ZNF438: variants seen among roughly 807,000 people sequenced by gnomAD.
ZNF438 encodes zinc finger protein 438.
A neutral mutation model predicts 38.0 loss-of-function variants in ZNF438; 25 were observed. That is an observed-to-expected ratio of 0.66 (90% CI 0.48 to 0.92). The LOEUF (loss-of-function observed/expected upper bound fraction) is 0.92, where lower values mean the gene tolerates loss of function less well. ZNF438 is among the 40% of genes least tolerant of loss of function. The pLI, the probability that ZNF438 is intolerant of heterozygous loss-of-function variation, is 0.00. For missense variants in ZNF438, 1,007 were observed against 999.6 expected, an observed-to-expected ratio of 1.01 and a Z score of -0.10; for synonymous variants, 372 against 364.1, an observed-to-expected ratio of 1.02 and a Z score of -0.25.
rs763312576 is a variant in ZNF438 at position 30,849,960 on chromosome 10, C to A, written c.445G>T (p.Ala149Ser). 12 of 1,614,000 alleles carry A rather than the reference C, an allele frequency of 7.4e-6. No individual in the cohort carries two copies. The highest frequency in any genetic ancestry group is 6.7e-5 in the Admixed American group (4 of 59,992). Residue 149 changes from alanine (A) to serine (S), a missense_variant, in exon 5 of 6, where the codon GCT becomes TCT. Transcript: ENST00000413025. ...GGACACATTTGGGTTTGGGCAGGAG[C>A]TTTGCTACAGCCACTCTTAGGAAAG...
intron 1 of ZNF438, among the ~76,000 whole-genome samples, chr10:31,005,292 T>C (rs1349550629): frequency 2.0e-5 from 3 of 152,174 alleles, no homozygotes; most frequent in East Asian, 3.8e-4. Flanking sequence ...TATATATATA[T>C]GTACATGCAC....
rs527901673 is a variant in ZNF438 at position 30,891,793 on chromosome 10, T to C, written c.-31-14728A>G. ...AACAGGCCTATCCTCCGTTTTCTTA[T>C]TTGTTCAAATGTCTAGGATACAGAT... On this transcript the variant is annotated intron_variant, in intron 3 of 5. Coordinates refer to ENST00000413025, the Ensembl canonical transcript of ZNF438. 4.9e-4 allele frequency among the ~76,000 whole-genome samples: 74 copies of C among 152,322 alleles called. 1 individual carries two copies. Among genetic ancestry groups the C allele is most frequent in the South Asian group, 2.1e-3 (10 of 4,832 alleles).
At chr10:30,945,193 C>T (rs938974192) in intron 1 of ZNF438, among the ~76,000 whole-genome samples, 2 of 151,780 alleles carry the variant, frequency 1.3e-5, no homozygotes, top group African/African-American at 4.8e-5. Flanking sequence ...TATTTTAAGG[C>T]TCTGTTAGTA....
chr10:30,947,201 G>A (rs77288495), intron 1 of ZNF438, among the ~76,000 whole-genome samples: 3 of 152,136 alleles, frequency 2.0e-5, no homozygotes, highest in Non-Finnish European at 4.4e-5. Flanking sequence ...GCTCATTCTC[G>A]AGTTGAAGGC....
intron 1 of ZNF438, among the ~76,000 whole-genome samples, chr10:30,994,076 C>T (rs978202356): frequency 6.6e-6 from 1 of 152,246 alleles, no homozygotes; most frequent in Non-Finnish European, 1.5e-5. Flanking sequence ...TTTGATTTAA[C>T]AGGCTCACAG....
intron 4 of ZNF438, among the ~76,000 whole-genome samples, chr10:30,856,990 A>G (rs533641077): frequency 3.3e-5 from 5 of 152,328 alleles, no homozygotes; most frequent in African/African-American, 9.6e-5. Flanking sequence ...ATCTTCATCC[A>G]AACTCTGCGA....
chr10:30,848,621 C>T, exon 5 of ZNF438: 1 of 1,614,206 alleles, frequency 6.2e-7, no homozygotes, highest in East Asian at 2.2e-5. Flanking sequence ...AGGCTCAGTG[C>T]TGATCACAAC....
exon 6 of ZNF438, chr10:30,844,834 A>G (rs1286499562): frequency 1.6e-6 from 2 of 1,212,284 alleles, no homozygotes; most frequent in Non-Finnish European, 1.1e-6. Flanking sequence ...ATGTACAAAA[A>G]TCATTTCTGT....
At chr10:30,975,061 G>C (rs1489948588) in intron 1 of ZNF438, among the ~76,000 whole-genome samples, 1 of 150,736 alleles carries the variant, frequency 6.6e-6, no homozygotes, top group African/African-American at 2.4e-5. Flanking sequence ...CACTAAAAAA[G>C]AAAAAAAAAT....
chr10:30,905,847 T>C (rs1434734702), intron 3 of ZNF438, among the ~76,000 whole-genome samples: 1 of 152,248 alleles, frequency 6.6e-6, no homozygotes, highest in Non-Finnish European at 1.5e-5. Context: ...TAATTCTTGG[T>C]ACCCTTGTTG....
intron 1 of ZNF438, among the ~76,000 whole-genome samples, chr10:30,957,727 A>G (rs2049021106): frequency 1.3e-5 from 2 of 152,120 alleles, no homozygotes. Flanking sequence ...TTATGTGTGT[A>G]CCATGCTGTT....
At chr10:30,892,153 C>T (rs2040766344) in intron 3 of ZNF438, among the ~76,000 whole-genome samples, 1 of 121,230 alleles carries the variant, frequency 8.2e-6, no homozygotes, top group African/African-American at 2.7e-5. Flanking sequence ...GAAATGATCA[C>T]ATTTCCACCA....
At chr10:30,884,314 T>A (rs1326543605) in intron 3 of ZNF438, among the ~76,000 whole-genome samples, 3 of 152,130 alleles carry the variant, frequency 2.0e-5, no homozygotes, top group Admixed American at 1.3e-4. Flanking sequence ...TATTAAAAAA[T>A]TTTTGGATAG....
chr10:30,984,283 C>G (rs1589575278), intron 1 of ZNF438, 86 bp downstream of exon 2: 1 of 152,034 alleles, frequency 6.6e-6, no homozygotes. Flanking sequence ...GTAAGATATG[C>G]CCCACTGTCT....
intron 1 of ZNF438, among the ~76,000 whole-genome samples, chr10:31,012,515 C>T (rs1326040047): frequency 6.6e-6 from 1 of 152,076 alleles, no homozygotes; most frequent in African/African-American, 2.4e-5. Flanking sequence ...TAATCGTCTA[C>T]CTCCCCATTG....
At chr10:30,918,620 G>T (rs2043924183) in intron 2 of ZNF438, among the ~76,000 whole-genome samples, 1 of 152,162 alleles carries the variant, frequency 6.6e-6, no homozygotes, top group Admixed American at 6.5e-5. Context: ...TGAAAATCGT[G>T]AGAAAGTTTA....
intron 1 of ZNF438, among the ~76,000 whole-genome samples, chr10:30,970,822 C>A (rs528302897): frequency 1.1e-4 from 16 of 152,332 alleles, no homozygotes; most frequent in African/African-American, 3.1e-4. Flanking sequence ...TCATCACAGG[C>A]ATAGGCTTTT....
intron 3 of ZNF438, among the ~76,000 whole-genome samples, chr10:30,884,306 T>C (rs867875711): frequency 3.3e-5 from 5 of 152,158 alleles, no homozygotes; most frequent in Non-Finnish European, 4.4e-5. Flanking sequence ...CTAACACTTA[T>C]TAAAAAATTT....
intron 1 of ZNF438, among the ~76,000 whole-genome samples, chr10:31,002,019 G>A (rs988507228): frequency 1.3e-5 from 2 of 152,180 alleles, no homozygotes; most frequent in Non-Finnish European, 2.9e-5. Flanking sequence ...AAAGAAGAGG[G>A]GAAGGACTCA....
Sources: gnomAD v4.1 joint callset for allele counts (sites outside exome capture counted in the v4.1 genomes callset) on GRCh38, gnomAD v4.1.1 for gene constraint, MANE v1.5 for transcripts, NCBI Gene and HGNC (gene_info 2026-07-23, HGNC 2026-07-21) for gene names.